CDC42BPB: variants seen among roughly 807,000 people sequenced by gnomAD.
CDC42BPB encodes CDC42 binding protein kinase beta, also known as serine/threonine-protein kinase MRCK beta.
Under a neutral mutation model 214.9 loss-of-function variants are expected in CDC42BPB, and 37 were observed. That is an observed-to-expected ratio of 0.17 (90% CI 0.13 to 0.23). The LOEUF is 0.23. Among genes scored for constraint, CDC42BPB ranks in the 10% least tolerant of loss-of-function variants. CDC42BPB has a pLI of 1.00. For missense variants in CDC42BPB, 1,694 were observed against 2,227.0 expected (o/e 0.76, Z 4.82); for synonymous variants, 931 against 884.0 (o/e 1.05, Z -0.94).
chr14:102,945,947 T>A (rs1444501189), intron 28 of CDC42BPB, among the ~76,000 whole-genome samples: 1 of 152,132 alleles, frequency 6.6e-6, no homozygotes, highest in Non-Finnish European at 1.5e-5. Context: ...GATTTGGGTG[T>A]GTGTGGGGCT....
At chr14:102,997,430 A>G (rs1566891363) in intron 5 of CDC42BPB, among the ~76,000 whole-genome samples, 1 of 152,196 alleles carries the variant, frequency 6.6e-6, no homozygotes, top group East Asian at 1.9e-4. Flanking sequence ...AAAAGCCAAG[A>G]AAAAGAAAAA....
At chr14:102,934,878 TG>T (rs1891574833) in intron 36 of CDC42BPB, among the ~76,000 whole-genome samples, 2 of 149,346 alleles carry the variant, frequency 1.3e-5, no homozygotes, top group Non-Finnish European at 3.0e-5. Context: ...GGCATGGTGG[TG>T]GGCACCTGTA....
At chr14:102,970,055 C>T (rs920993107) in intron 14 of CDC42BPB, 96 bp downstream of exon 14, 21 of 995,152 alleles carry the variant, frequency 2.1e-5, no homozygotes, top group Middle Eastern at 6.2e-4. Flanking sequence ...ACACTCGGCC[C>T]GGACCACACA....
At position 102,943,718 on chromosome 14, in the gene CDC42BPB, G is replaced by C; in HGVS notation, c.4408+173C>G. ...AGCCCGCCTACTGCTGGTCTGAGACGTGAGATCTGAACCATGCTCTCTGCT... is the reference window on the plus strand; with the variant it reads ...AGCCCGCCTACTGCTGGTCTGAGACCTGAGATCTGAACCATGCTCTCTGCT... On this transcript the variant is annotated intron_variant, in intron 30 of 36. Transcript: ENST00000361246. This position sits in a 1 kb window ranked among gnomAD's most constrained non-coding sequence, Gnocchi z 4.6. 6.6e-6 allele frequency: 4 copies of C among 605,858 alleles called. No homozygotes were observed. The highest frequency in any genetic ancestry group is 1.1e-5 in the Non-Finnish European group (4 of 348,976). The allele number at this position is 605,858 out of a possible 1,614,324, so 37.5% of individuals were successfully genotyped here.
At chr14:102,942,278 T>C (rs1362938563) in intron 30 of CDC42BPB, among the ~76,000 whole-genome samples, 1 of 152,184 alleles carries the variant, frequency 6.6e-6, no homozygotes, top group Non-Finnish European at 1.5e-5. Flanking sequence ...CGGGACACAC[T>C]GCAGTAAGCC....
chr14:103,008,280 G>A (rs998812688), intron 3 of CDC42BPB, among the ~76,000 whole-genome samples, 192 bp downstream of exon 3: 1 of 152,230 alleles, frequency 6.6e-6, no homozygotes, highest in Non-Finnish European at 1.5e-5. Context: ...GCAAGCAAGT[G>A]GTCGCTGAGG....
At chr14:103,031,993 T>A (rs188520937) in intron 1 of CDC42BPB, among the ~76,000 whole-genome samples, 1,625 of 141,858 alleles carry the variant, frequency 0.011, 19 homozygotes, top group African/African-American at 0.041. Flanking sequence ...TATTATTATT[T>A]TTTTTTTTTT....
Position 102,954,666 on chromosome 14 carries a change from T to C in CDC42BPB, c.2924A>G (p.Glu975Gly). Residue 975 changes from glutamate (E) to glycine (G), a missense_variant, in exon 22 of 37, where the codon GAA becomes GGA. Physicochemically the swap from Glu to Gly is moderately conservative, Grantham distance 98 (BLOSUM62 -2). Transcript: ENST00000361246. ...TFRTSSASEQ[E>G]TQAPKPEASP... ...CGCTTCTGGCTTCGGAGCTTGTGTT[T>C]CTTGCTCACTAGCTGAGCTGGTCTG... is the stretch of plus-strand genomic sequence containing the variant. 6.2e-7 allele frequency: 1 copy of C among 1,613,882 alleles called. No individual in the cohort carries two copies. The highest frequency in any genetic ancestry group is 8.5e-7 in the Non-Finnish European group (1 of 1,179,862).
rs761236823 is a variant in CDC42BPB, at chr14:103,053,990, G to A, written c.175+3009C>T. Among the ~76,000 whole-genome samples the A allele has an allele frequency of 1.5e-3, 223 of 151,912 alleles. 1 individual carries two copies. The highest frequency in any genetic ancestry group is 2.2e-3 in the Non-Finnish European group (150 of 67,956). On this transcript the variant is annotated intron_variant, in intron 1 of 36. Transcript: ENST00000361246. The stretch of plus-strand genomic sequence containing the variant: ...AGAGTAACTGGGACTACAGGTGTGC[G>A]CCACCATGCCCAGCTAATTTTTATA...
chr14:102,950,349 C>T (rs1892429863), intron 25 of CDC42BPB, 117 bp downstream of exon 25: 1 of 1,369,372 alleles, frequency 7.3e-7, no homozygotes, highest in Non-Finnish European at 1.0e-6. Flanking sequence ...CCCCCTAGGA[C>T]TGGCACCAGG....
chr14:102,993,029 C>T (rs996875645), intron 5 of CDC42BPB, among the ~76,000 whole-genome samples: 7 of 151,994 alleles, frequency 4.6e-5, no homozygotes, highest in African/African-American at 7.2e-5. Flanking sequence ...AGGGTTTTGC[C>T]ATGTTGGCCA....
At chr14:102,985,161 A>G (rs1189542565) in intron 6 of CDC42BPB, among the ~76,000 whole-genome samples, 6 of 146,684 alleles carry the variant, frequency 4.1e-5, no homozygotes, top group Non-Finnish European at 7.4e-5. Context: ...CAGGAGGGTA[A>G]CCCATGCTCT....
intron 1 of CDC42BPB, among the ~76,000 whole-genome samples, chr14:103,033,225 T>C (rs1457971971): frequency 1.3e-5 from 2 of 152,142 alleles, no homozygotes; most frequent in Non-Finnish European, 2.9e-5. Context: ...TTATTTTTGT[T>C]TTTTTGTTTG....
At chr14:102,945,792 G>C in intron 28 of CDC42BPB, 68 bp from the exon 29 acceptor site, 1 of 1,367,124 alleles carries the variant, frequency 7.3e-7, no homozygotes. Context: ...GTTTGAATGC[G>C]TGGGTGGGCT....
intron 5 of CDC42BPB, among the ~76,000 whole-genome samples, chr14:102,998,347 T>G (rs1206772557): frequency 6.6e-6 from 1 of 152,114 alleles, no homozygotes; most frequent in Non-Finnish European, 1.5e-5. Flanking sequence ...GCTGGAAAAA[T>G]AATTTTACAA....
chr14:103,026,051 AAATT>A (rs1477471682), intron 1 of CDC42BPB, among the ~76,000 whole-genome samples: 1 of 152,088 alleles, frequency 6.6e-6, no homozygotes, highest in African/African-American at 2.4e-5. Flanking sequence ...ATATACAAAA[AAATT>A]AACTCAAAAT....
chr14:103,008,666 A>C (rs1393971517), intron 2 of CDC42BPB, 111 bp from the exon 3 acceptor site: 1 of 1,484,824 alleles, frequency 6.7e-7, no homozygotes, highest in Non-Finnish European at 8.9e-7. Context: ...TGAAACCAGC[A>C]GTGACCGAAA....
intron 7 of CDC42BPB, 148 bp downstream of exon 7, chr14:102,983,408 C>T: frequency 8.1e-7 from 1 of 1,228,932 alleles, no homozygotes; most frequent in Non-Finnish European, 1.1e-6. Flanking sequence ...CTACTCCAAT[C>T]TGCCTGTCCC....
At chr14:102,956,486 G>C in intron 21 of CDC42BPB, 1 of 930,876 alleles carries the variant, frequency 1.1e-6, no homozygotes, top group South Asian at 5.0e-5. Context: ...CCCAGCCCCT[G>C]ATGGAGGGTT....
Sources: allele counts gnomAD v4.1 joint callset (sites outside exome capture counted in the v4.1 genomes callset), GRCh38; gene constraint gnomAD v4.1.1; non-coding constraint Gnocchi (gnomAD v3.1); transcripts MANE v1.5; gene names NCBI Gene and HGNC (gene_info 2026-07-23, HGNC 2026-07-21).